APLF: variants seen among roughly 807,000 people sequenced by gnomAD.
APLF encodes the protein aprataxin and PNKP like factor, also known as aprataxin and PNK-like factor.
APLF carries 61 observed loss-of-function variants against 55.6 expected under a neutral mutation model. The observed-to-expected ratio is 1.10, with a 90% CI of 0.89 to 1.36. APLF has a LOEUF of 1.36. Among genes scored for constraint, APLF ranks in the 40% most tolerant of loss-of-function variants. APLF has a pLI of 0.00. For synonymous variants in APLF, 207 were observed against 214.8 expected (o/e 0.96, Z 0.32); for missense variants, 611 against 602.5 (o/e 1.01, Z -0.15).
At chr2:68,481,540 A>G (rs778375327) in intron 1 of APLF, among the ~76,000 whole-genome samples, 1 of 152,010 alleles carries the variant, frequency 6.6e-6, no homozygotes, top group Non-Finnish European at 1.5e-5. Context: ...GAATTTTCTC[A>G]TTGTCTTTGA....
chr2:68,563,040 C>A (rs1342582701), intron 8 of APLF: 6 of 984,210 alleles, frequency 6.1e-6, no homozygotes, highest in Middle Eastern at 5.2e-4. Flanking sequence ...TCTTTTCCTT[C>A]ATTTTCAGTG....
rs571359239 is a variant in APLF at position 68,472,361 on chromosome 2, G to A, written c.96+4534G>A. On this transcript the variant is annotated intron_variant, in intron 1 of 9. Transcript: ENST00000303795. ...GTATGGCAAAGAAATATATTTTAGG[G>A]TAAAACATTTTGATTTTCTTCCTTG... 1.3e-4 allele frequency among the ~76,000 whole-genome samples: 20 copies of A among 152,280 alleles called. No homozygotes were observed. The East Asian group carries it at 3.7e-3, about 28-fold the overall frequency.
intron 5 of APLF, among the ~76,000 whole-genome samples, chr2:68,518,122 TTAATATATATTAA>T (rs1469241728): frequency 2.3e-5 from 3 of 128,234 alleles, no homozygotes; most frequent in Non-Finnish European, 4.7e-5. Flanking sequence ...ATATACAATA[TTAATATATATTAA>T]TATATAATAA....
intron 8 of APLF, among the ~76,000 whole-genome samples, chr2:68,559,004 A>G (rs2104048049): frequency 6.6e-6 from 1 of 152,358 alleles, no homozygotes; most frequent in East Asian, 1.9e-4. Flanking sequence ...TGTTGTTGCT[A>G]CCAGTGTCTA....
intron 8 of APLF, among the ~76,000 whole-genome samples, chr2:68,564,187 T>A (rs1671236893): frequency 6.6e-6 from 1 of 152,094 alleles, no homozygotes; most frequent in South Asian, 2.1e-4. Flanking sequence ...GTAGGAAAGA[T>A]CTTCCCACAA....
At chr2:68,559,531 C>T (rs1434002525) in intron 8 of APLF, among the ~76,000 whole-genome samples, 3 of 152,088 alleles carry the variant, frequency 2.0e-5, no homozygotes, top group Non-Finnish European at 4.4e-5. Flanking sequence ...TGTTCTTTAC[C>T]TCTGTAAATG....
At chr2:68,573,672 CAAA>C (rs67959075) in intron 9 of APLF, among the ~76,000 whole-genome samples, 17 of 93,016 alleles carry the variant, frequency 1.8e-4, no homozygotes, top group Non-Finnish European at 1.6e-4. Context: ...GACCTTGTCT[CAAA>C]AAAAAAAAAA....
At chr2:68,565,602 G>A (rs886490345) in intron 8 of APLF, among the ~76,000 whole-genome samples, 6 of 151,914 alleles carry the variant, frequency 3.9e-5, no homozygotes, top group Non-Finnish European at 8.8e-5. Flanking sequence ...AGGCAGTGCT[G>A]GAAACAAGAA....
At chr2:68,515,266 C>T (rs2103956242) in intron 5 of APLF, among the ~76,000 whole-genome samples, 1 of 149,076 alleles carries the variant, frequency 6.7e-6, no homozygotes, top group East Asian at 2.0e-4. Context: ...TTCAGTTCTT[C>T]CCACCCCCAC....
Position 68,545,243 on chromosome 2 carries a change from G to A in APLF, c.1217G>A (p.Gly406Asp), listed in dbSNP as rs1307945250. 3 of 1,613,816 alleles carry A rather than the reference G, an allele frequency of 1.9e-6. No homozygotes were observed. The highest frequency in any genetic ancestry group is 1.7e-6 in the Non-Finnish European group (2 of 1,179,844). Residue 406 changes from glycine to aspartate, a missense_variant, in exon 8 of 10, where the codon GGT becomes GAT. By Grantham distance (94) the Gly-to-Asp change is moderately conservative. Transcript: ENST00000303795. ...CATCCTGGTGATAGTGATTATGGAG[G>A]TGTACAAATCGTGGGCCAAGATGAG... ...FSHPGDSDYG[G>D]VQIVGQDETD...
intron 2 of APLF, among the ~76,000 whole-genome samples, chr2:68,493,359 A>G (rs917516065): frequency 1.3e-5 from 2 of 152,158 alleles, no homozygotes; most frequent in Non-Finnish European, 2.9e-5. Context: ...TGCAGACCCA[A>G]AAATCTACTC....
chr2:68,577,748 T>G, intron 9 of APLF, 72 bp from the exon 10 acceptor site: 1 of 1,552,310 alleles, frequency 6.4e-7, no homozygotes, highest in South Asian at 1.2e-5. Flanking sequence ...GAAAGACATT[T>G]TATAGGTAGA....
Position 68,526,502 on chromosome 2 carries a change from A to G in APLF, c.804+260A>G, listed in dbSNP as rs569426137. On this transcript the variant is annotated intron_variant, in intron 6 of 9. Transcript: ENST00000303795. The stretch of plus-strand genomic sequence containing the variant: ...CTGGTGGAGATGGTACAGGTGCTTT[A>G]TGAGGCTCATGCTTACCATCTTATT... 1.7e-3 allele frequency among the ~76,000 whole-genome samples: 255 copies of G among 152,344 alleles called. 1 individual carries two copies. Among genetic ancestry groups the G allele is most frequent in the African/African-American group, 5.8e-3 (241 of 41,580 alleles).
intron 2 of APLF, among the ~76,000 whole-genome samples, chr2:68,500,381 A>G (rs1271491879): frequency 6.6e-6 from 1 of 151,800 alleles, no homozygotes; most frequent in Non-Finnish European, 1.5e-5. Flanking sequence ...TTAACCAAGT[A>G]TAATTTAAAT....
intron 1 of APLF, among the ~76,000 whole-genome samples, chr2:68,486,188 G>C (rs558213759): frequency 6.6e-6 from 1 of 152,058 alleles, no homozygotes; most frequent in African/African-American, 2.4e-5. Context: ...AGATATCCTA[G>C]GTCCACATTA....
intron 4 of APLF, 84 bp from the exon 5 acceptor site, chr2:68,513,464 A>AT: frequency 6.9e-7 from 1 of 1,449,282 alleles, no homozygotes. Flanking sequence ...GGGTATTTTA[A>AT]TGGTAGTATT....
At chr2:68,517,637 T>G (rs1669660375) in intron 5 of APLF, among the ~76,000 whole-genome samples, 2 of 142,558 alleles carry the variant, frequency 1.4e-5, no homozygotes, top group South Asian at 2.3e-4. Flanking sequence ...TGTAACAATA[T>G]ATCACTAATA....
intron 8 of APLF, chr2:68,563,440 G>A (rs144549967): frequency 4.9e-6 from 4 of 809,814 alleles, no homozygotes; most frequent in Middle Eastern, 6.2e-4. Context: ...GTGCATGCGA[G>A]TGCAACTGGG....
intron 6 of APLF, among the ~76,000 whole-genome samples, chr2:68,536,510 A>G (rs1670393899): frequency 6.6e-6 from 1 of 152,156 alleles, no homozygotes; most frequent in South Asian, 2.1e-4. Flanking sequence ...CATCCTAGAA[A>G]TGGTTACCAG....
Sources: allele counts gnomAD v4.1 joint callset (sites outside exome capture counted in the v4.1 genomes callset), GRCh38; gene constraint gnomAD v4.1.1; transcripts MANE v1.5; gene names NCBI Gene and HGNC (gene_info 2026-07-23, HGNC 2026-07-21).